Variants in GLOD5 observed in about 807,000 individuals in gnomAD.
GLOD5 encodes the protein glyoxalase domain-containing protein 5.
Under a neutral mutation model 9.9 loss-of-function variants are expected in GLOD5, and 7 were observed. The ratio of observed to expected loss-of-function variants is 0.71; its 90% CI spans 0.40 to 1.33. The LOEUF is 1.33. GLOD5 is among the 40% of genes most tolerant of loss of function. The probability of loss-of-function intolerance (pLI) is 0.01; values close to 1 mark genes in which losing one functional copy is unlikely to be tolerated. For missense variants in GLOD5, 146 were observed against 128.4 expected, an observed-to-expected ratio of 1.14 and a Z score of -0.66; for synonymous variants, 49 against 47.3, an observed-to-expected ratio of 1.04 and a Z score of -0.14.
chrX:48,770,090 C>T (rs986924940), intron 2 of GLOD5, among the ~76,000 whole-genome samples: 2 of 108,827 alleles, frequency 1.8e-5, no homozygotes, highest in African/African-American at 6.7e-5. Context: ...GCCTGGCCAA[C>T]ATAGCAAAAC....
intron 3 of GLOD5, 77 bp downstream of exon 3, chrX:48,771,159 C>G: frequency 1.3e-6 from 1 of 754,158 alleles, no homozygotes. Flanking sequence ...AGAGAGGTAA[C>G]AAGTTTTACC....
Position 48,773,570 on chromosome X carries a change from C to G in GLOD5, c.*135C>G, listed in dbSNP as rs1294265195. 4.3e-6 allele frequency: 3 copies of G among 699,156 alleles called. No individual in the cohort carries two copies. The East Asian group carries it at 9.9e-5, about 23-fold the overall frequency. 57.6% of individuals were successfully genotyped at this position (699,156 alleles called of 1,213,427 possible). On this transcript the variant is annotated 3_prime_UTR_variant, in exon 4 of 4. Coordinates refer to ENST00000303227, the MANE Select transcript of GLOD5 (RefSeq NM_001080489.3). Reference sequence around the variant, plus strand: ...TTCACACATCCTGCTGAGGGGGGACCCAAGACAGGTTTGGGACCAAACCTA... The same window carrying G: ...TTCACACATCCTGCTGAGGGGGGACGCAAGACAGGTTTGGGACCAAACCTA...
intron 2 of GLOD5, among the ~76,000 whole-genome samples, chrX:48,769,599 A>G (rs1206921867): frequency 4.5e-5 from 5 of 112,027 alleles, no homozygotes; most frequent in African/African-American, 1.6e-4. Flanking sequence ...AAGAGAAACT[A>G]AAAACGATAA....
intron 1 of GLOD5, among the ~76,000 whole-genome samples, chrX:48,763,827 G>C (rs2062602523): frequency 8.9e-6 from 1 of 112,617 alleles, no homozygotes; most frequent in Non-Finnish European, 1.9e-5. Flanking sequence ...TCCACCGGGA[G>C]AGCAAAACTC....
intron 1 of GLOD5, among the ~76,000 whole-genome samples, chrX:48,764,953 A>G (rs1312319549): frequency 2.1e-4 from 23 of 111,418 alleles, no homozygotes; most frequent in African/African-American, 2.0e-4. Flanking sequence ...AAGTCAAGAG[A>G]AAGATCTGAT....
Position 48,771,044 on chromosome X carries a change from A to C in GLOD5, c.319A>C (p.Thr107Pro), listed in dbSNP as rs1557017321. 8.4e-7 allele frequency: 1 copy of C among 1,194,326 alleles called. No individual in the cohort carries two copies. The highest frequency in any genetic ancestry group is 3.0e-5 in the East Asian group (1 of 32,839). ...VPGSLDICLI[T>P]EVPLEEMIQH... ...TGGCTCCCTGGACATATGTCTGATC[A>C]CAGAGGTGCCTTTGGAGGAAATGAT... The change falls in exon 3 of 4, where the codon ACA (threonine) becomes CCA (proline). Residue 107 changes from threonine (T) to proline (P), a missense_variant. By Grantham distance (38) the Thr-to-Pro change is conservative. Transcript: ENST00000303227.
chrX:48,764,395 G>A (rs2062603786), intron 1 of GLOD5, among the ~76,000 whole-genome samples: 1 of 111,415 alleles, frequency 9.0e-6, no homozygotes, highest in East Asian at 2.8e-4. Flanking sequence ...CACTTGATAT[G>A]TATTAGGCAT....
chrX:48,762,113 T>C (rs1255051771), intron 1 of GLOD5, among the ~76,000 whole-genome samples: 3 of 110,895 alleles, frequency 2.7e-5, no homozygotes, highest in Non-Finnish European at 5.7e-5. Flanking sequence ...GGTGGAGAGA[T>C]ACAAAGGTGG....
intron 1 of GLOD5, among the ~76,000 whole-genome samples, chrX:48,763,801 A>G (rs1557016273): frequency 1.8e-5 from 2 of 112,779 alleles, no homozygotes; most frequent in East Asian, 5.5e-4. Context: ...TCCTATGTCC[A>G]TGTGGATCTT....
intron 2 of GLOD5, 112 bp downstream of exon 2, chrX:48,766,084 A>G (rs1156551321): frequency 8.3e-6 from 6 of 721,000 alleles, no homozygotes; most frequent in African/African-American, 6.4e-5. Context: ...GAGAAAATAT[A>G]AAGAGATCAA....
At chrX:48,769,831 T>G (rs2062617857) in intron 2 of GLOD5, among the ~76,000 whole-genome samples, 1 of 105,060 alleles carries the variant, frequency 9.5e-6, no homozygotes, top group African/African-American at 3.5e-5. Flanking sequence ...TAAAAAAAAA[T>G]TAGCCAGGCG....
intron 1 of GLOD5, among the ~76,000 whole-genome samples, chrX:48,765,335 G>A (rs781871558): frequency 2.7e-5 from 3 of 110,308 alleles, no homozygotes; most frequent in Non-Finnish European, 5.7e-5. Flanking sequence ...ACTCTGGGAG[G>A]CCGAGGTAGG....
intron 1 of GLOD5, among the ~76,000 whole-genome samples, chrX:48,762,906 C>T (rs1446894763): frequency 1.8e-5 from 2 of 111,961 alleles, no homozygotes; most frequent in Non-Finnish European, 3.8e-5. Flanking sequence ...GCCATCCCTG[C>T]TCGTCCTTGA....
At chrX:48,771,557 C>G (rs1266295030) in intron 3 of GLOD5, among the ~76,000 whole-genome samples, 2 of 111,434 alleles carry the variant, frequency 1.8e-5, no homozygotes, top group Admixed American at 9.6e-5. Context: ...CTCAAGTGCT[C>G]CGCCCACCTC....
chrX:48,772,802 G>A (rs983488793), intron 3 of GLOD5, among the ~76,000 whole-genome samples: 1 of 110,427 alleles, frequency 9.1e-6, no homozygotes, highest in African/African-American at 3.3e-5. Flanking sequence ...AGGAGATCGA[G>A]GTACAGGGTA....
chrX:48,771,459 G>A (rs1304073760), intron 3 of GLOD5, among the ~76,000 whole-genome samples: 2 of 109,446 alleles, frequency 1.8e-5, no homozygotes, highest in Admixed American at 9.9e-5. Context: ...GGTACTACAG[G>A]TGCGTGCCAC....
intron 3 of GLOD5, 76 bp from the exon 4 acceptor site, chrX:48,773,229 CAAAAA>C: frequency 4.4e-6 from 4 of 908,410 alleles, no homozygotes; most frequent in African/African-American, 2.7e-5. Flanking sequence ...GACTCTGTCA[CAAAAA>C]AAAAAAAAAG....
At chrX:48,765,469 T>C (rs1557016497) in intron 1 of GLOD5, among the ~76,000 whole-genome samples, 1 of 105,529 alleles carries the variant, frequency 9.5e-6, no homozygotes, top group East Asian at 3.0e-4. Context: ...TACCAGCTAC[T>C]CAGGGGGCTG....
intron 2 of GLOD5, among the ~76,000 whole-genome samples, chrX:48,769,589 AAGAG>A (rs1275749280): frequency 3.6e-5 from 4 of 111,784 alleles, no homozygotes; most frequent in Non-Finnish European, 7.5e-5. Context: ...AAGGAGCTAA[AAGAG>A]AAACTAAAAA....
Sources: allele counts gnomAD v4.1 joint callset (sites outside exome capture counted in the v4.1 genomes callset), GRCh38; gene constraint gnomAD v4.1.1; transcripts MANE v1.5; gene names NCBI Gene and HGNC (gene_info 2026-07-23, HGNC 2026-07-21).